Variants in RASSF5 observed in about 807,000 individuals in gnomAD.
RASSF5 encodes the protein Ras association domain family member 5, also known as ras association domain-containing protein 5.
A neutral mutation model predicts 40.5 loss-of-function variants in RASSF5; 25 were observed. The ratio of observed to expected loss-of-function variants is 0.62; its 90% CI spans 0.45 to 0.86. RASSF5 has a LOEUF of 0.86. RASSF5 is among the 40% of genes least tolerant of loss of function. RASSF5 has a pLI of 0.00. For synonymous variants in RASSF5, 246 were observed against 252.4 expected, an observed-to-expected ratio of 0.97 and a Z score of 0.24; for missense variants, 521 against 572.8, an observed-to-expected ratio of 0.91 and a Z score of 0.92.
At chr1:206,575,991 C>T (rs1553405129) in intron 2 of RASSF5, among the ~76,000 whole-genome samples, 1 of 152,180 alleles carries the variant, frequency 6.6e-6, no homozygotes, top group Non-Finnish European at 1.5e-5. Flanking sequence ...TCTTGCCCTC[C>T]CCTGCCACCC....
At chr1:206,514,027 A>G (rs942430139) in intron 1 of RASSF5, among the ~76,000 whole-genome samples, 140 of 152,326 alleles carry the variant, frequency 9.2e-4, no homozygotes, top group African/African-American at 3.0e-3. Context: ...AGAACTCTCC[A>G]TGGTGTGGTC....
chr1:206,549,201 T>C (rs185038892), intron 2 of RASSF5, among the ~76,000 whole-genome samples: 1 of 152,248 alleles, frequency 6.6e-6, no homozygotes, highest in African/African-American at 2.4e-5. Flanking sequence ...TTGCTGTGTC[T>C]TCAAGTTTGT....
At chr1:206,557,792 C>T in intron 2 of RASSF5, 1 of 1,373,090 alleles carries the variant, frequency 7.3e-7, no homozygotes, top group South Asian at 1.3e-5. Context: ...GGGACAAAGC[C>T]ACATGTCAGG....
intron 2 of RASSF5, chr1:206,557,066 C>A: frequency 1.1e-6 from 1 of 898,354 alleles, no homozygotes; most frequent in Non-Finnish European, 1.3e-6. Flanking sequence ...AGTCCACTTG[C>A]CACCGGGGGC....
At chr1:206,558,261 T>A (rs1487379087) in intron 2 of RASSF5, among the ~76,000 whole-genome samples, 1 of 152,160 alleles carries the variant, frequency 6.6e-6, no homozygotes, top group Non-Finnish European at 1.5e-5. Flanking sequence ...ACTTCCTGGG[T>A]CGGTTTGGGT....
chr1:206,557,511 C>A (rs1337828069), intron 2 of RASSF5: 1 of 1,603,624 alleles, frequency 6.2e-7, no homozygotes, highest in East Asian at 2.2e-5. Context: ...CACCTCCCTC[C>A]GCCGCATCCC....
chr1:206,523,606 T>TTA (rs1205770851), intron 1 of RASSF5, among the ~76,000 whole-genome samples: 3 of 91,450 alleles, frequency 3.3e-5, no homozygotes, highest in South Asian at 2.7e-4. Flanking sequence ...CATATATATT[T>TTA]TATATATATA....
At chr1:206,533,762 G>GA (rs1265448117) in intron 1 of RASSF5, among the ~76,000 whole-genome samples, 109 of 148,332 alleles carry the variant, frequency 7.3e-4, no homozygotes, top group Non-Finnish European at 1.3e-3. Context: ...CTTAAAAAAA[G>GA]AAAAAAAAAA....
At position 206,507,874 on chromosome 1, in the gene RASSF5, T is replaced by G; in HGVS notation, c.272T>G (p.Leu91Arg). Residue 91 changes from leucine to arginine, a missense_variant, in exon 1 of 6, where the codon CTG becomes CGG. By Grantham distance (102) the Leu-to-Arg change is moderately radical (BLOSUM62 -2). Coordinates refer to ENST00000579436, the MANE Select transcript of RASSF5 (RefSeq NM_182663.4). Reference protein sequence around the residue: ...RPLRPGLQQRLRRRPGAPRPR... With the variant: ...RPLRPGLQQRRRRRPGAPRPR... ...CTCCGGCCTGGTCTGCAGCAGAGAC[T>G]GCGGCGGCGGCCTGGAGCGCCCCGA... is the stretch of plus-strand genomic sequence containing the variant. 1 of 1,493,364 alleles carries G rather than the reference T, an allele frequency of 6.7e-7. No homozygotes were observed. The highest frequency in any genetic ancestry group is 8.9e-7 in the Non-Finnish European group (1 of 1,128,304). 92.5% of individuals were successfully genotyped at this position (1,493,364 alleles called of 1,614,324 possible).
In RASSF5 at chr1:206,535,657, T is replaced by G. The variant is rs1454998019; in HGVS notation, c.458-2515T>G. Among the ~76,000 whole-genome samples, 3 of 152,034 alleles carry G rather than the reference T, an allele frequency of 2.0e-5. No homozygotes were observed. Among genetic ancestry groups the G allele is most frequent in the African/African-American group, 4.8e-5 (2 of 41,390 alleles). ...CAGAGTCTTCTGCTACTTAGTGTTGTCCAGCTCAGCATGGTGATGTTTTCA... is the reference window on the plus strand; with the variant it reads ...CAGAGTCTTCTGCTACTTAGTGTTGGCCAGCTCAGCATGGTGATGTTTTCA... On this transcript the variant is annotated intron_variant, in intron 1 of 5. Transcript: ENST00000579436. This position sits in a 1 kb window ranked among gnomAD's most constrained non-coding sequence, Gnocchi z 5.0.
At chr1:206,527,983 A>G (rs1463995955) in intron 1 of RASSF5, among the ~76,000 whole-genome samples, 2 of 152,228 alleles carry the variant, frequency 1.3e-5, no homozygotes, top group Non-Finnish European at 2.9e-5. Flanking sequence ...TATCTCTAAA[A>G]TAGGAGTAGA....
At chr1:206,529,070 G>T (rs1162609789) in intron 1 of RASSF5, 2 of 1,041,042 alleles carry the variant, frequency 1.9e-6, no homozygotes, top group Non-Finnish European at 2.8e-6. Flanking sequence ...CCTGCTTTGT[G>T]AAATGGCCCT....
chr1:206,549,421 C>G (rs1329544591), intron 2 of RASSF5, among the ~76,000 whole-genome samples: 1 of 152,184 alleles, frequency 6.6e-6, no homozygotes, highest in Non-Finnish European at 1.5e-5. Flanking sequence ...ACCCTAGAAG[C>G]AGTGGGCTGC....
intron 1 of RASSF5, among the ~76,000 whole-genome samples, chr1:206,524,083 T>C (rs1481148638): frequency 2.3e-5 from 3 of 129,848 alleles, no homozygotes; most frequent in Non-Finnish European, 4.6e-5. Context: ...ATATTTTATA[T>C]ATAATATGTA....
intron 2 of RASSF5, among the ~76,000 whole-genome samples, chr1:206,538,829 A>T (rs901541675): frequency 7.9e-5 from 12 of 152,204 alleles, no homozygotes; most frequent in Admixed American, 3.3e-4. Flanking sequence ...TAGAATGGAG[A>T]CAGAGGAGTG....
At position 206,556,390 on chromosome 1, in the gene RASSF5, A is replaced by G. The variant is rs530097771; in HGVS notation, c.579+18097A>G. On this transcript the variant is annotated intron_variant, in intron 2 of 5. Transcript: ENST00000579436. ...ACTTGCACAGAGAGTTGTTCAAACA[A>G]TGGTAGCTAGAACTGCTATTGATCT... 6.6e-5 allele frequency among the ~76,000 whole-genome samples: 10 copies of G among 152,372 alleles called. No homozygotes were observed. The South Asian group carries it at 1.9e-3, about 28-fold the overall frequency.
intron 2 of RASSF5, among the ~76,000 whole-genome samples, chr1:206,562,760 A>G (rs111489456): frequency 0.065 from 9,890 of 152,174 alleles, 402 homozygotes; most frequent in African/African-American, 0.12. Context: ...GTGAAACCCC[A>G]TCTCTACTGA....
Position 206,589,207 on chromosome 1 carries a change from A to G in RASSF5, c.*2229A>G. ...GTGTGTAAGTGTTTGTTTCCAGGAT[A>G]TTTTCTTTTTAAATGTCTTTCTTAT... On this transcript the variant is annotated 3_prime_UTR_variant, in exon 6 of 6. Coordinates refer to ENST00000579436, the MANE Select transcript of RASSF5 (RefSeq NM_182663.4). 6.6e-6 allele frequency: 1 copy of G among 152,578 alleles called. No homozygotes were observed. The highest frequency in any genetic ancestry group is 2.1e-4 in the South Asian group (1 of 4,820). 9.5% of individuals were successfully genotyped at this position (152,578 alleles called of 1,614,324 possible).
At chr1:206,559,847 G>T (rs1668087152) in intron 2 of RASSF5, among the ~76,000 whole-genome samples, 1 of 152,232 alleles carries the variant, frequency 6.6e-6, no homozygotes, top group African/African-American at 2.4e-5. Flanking sequence ...TCCAGGGAGG[G>T]GCAGGGCTGG....
Sources: gnomAD v4.1 joint callset for allele counts (sites outside exome capture counted in the v4.1 genomes callset) on GRCh38, gnomAD v4.1.1 for gene constraint, Gnocchi (gnomAD v3.1) non-coding constraint, MANE v1.5 for transcripts, NCBI Gene and HGNC (gene_info 2026-07-23, HGNC 2026-07-21) for gene names.